Variants in SLC36A1 observed in about 807,000 individuals in gnomAD.
The protein encoded by SLC36A1 is solute carrier family 36 member 1.
Under a neutral mutation model 47.5 loss-of-function variants are expected in SLC36A1, and 30 were observed. The ratio of observed to expected loss-of-function variants is 0.63; its 90% CI spans 0.47 to 0.86. SLC36A1 has a LOEUF of 0.86. SLC36A1 is among the 40% of genes least tolerant of loss of function. The probability of loss-of-function intolerance (pLI) is 0.00; values close to 1 mark genes in which losing one functional copy is unlikely to be tolerated. For synonymous variants in SLC36A1, 255 were observed against 249.7 expected, an observed-to-expected ratio of 1.02 and a Z score of -0.20; for missense variants, 517 against 606.0, an observed-to-expected ratio of 0.85 and a Z score of 1.54.
At chr5:151,522,066 A>G in the SLC36A1 span, 1 of 1,596,230 alleles carries the variant, frequency 6.3e-7, no homozygotes, top group South Asian at 1.1e-5. Flanking sequence ...ACGAGAGGGG[A>G]GGGATGCCAC....
chr5:151,478,421 G>A (rs757565613), intron 9 of SLC36A1, among the ~76,000 whole-genome samples: 9 of 152,164 alleles, frequency 5.9e-5, no homozygotes, highest in African/African-American at 1.7e-4. Context: ...GGTGAGTTAC[G>A]TCATTTTTGG....
At chr5:151,517,023 G>A in the SLC36A1 span, among the ~76,000 whole-genome samples, 4 of 151,568 alleles carry the variant, frequency 2.6e-5, no homozygotes, top group Non-Finnish European at 5.9e-5. Context: ...CAGGAGAATC[G>A]CTTGAACCTG....
chr5:151,546,645 C>G, the SLC36A1 span, among the ~76,000 whole-genome samples: 1 of 152,118 alleles, frequency 6.6e-6, no homozygotes, highest in Non-Finnish European at 1.5e-5. Flanking sequence ...ACACACTCCA[C>G]CCTGAATTTC....
chr5:151,394,146 A>T, the SLC36A1 span, among the ~76,000 whole-genome samples: 1 of 151,902 alleles, frequency 6.6e-6, no homozygotes. Context: ...GCTTCATTTC[A>T]TTCATTTGAT....
chr5:151,505,724 C>G, the SLC36A1 span: 1 of 1,613,932 alleles, frequency 6.2e-7, no homozygotes, highest in East Asian at 2.2e-5. Flanking sequence ...GCATACCCAC[C>G]CCCTTGTAGC....
At chr5:151,465,354 C>T (rs1392018892) in intron 5 of SLC36A1, among the ~76,000 whole-genome samples, 185 bp downstream of exon 5, 1 of 152,046 alleles carries the variant, frequency 6.6e-6, no homozygotes, top group Non-Finnish European at 1.5e-5. Context: ...CCCTTTTTTC[C>T]TTGGGTTTTA....
chr5:151,496,016 G>A (rs920839981), downstream of SLC36A1, among the ~76,000 whole-genome samples: 1 of 152,084 alleles, frequency 6.6e-6, no homozygotes, highest in Non-Finnish European at 1.5e-5. Flanking sequence ...AATTTCTCTG[G>A]GATATATGCC....
chr5:151,396,196 TC>T, the SLC36A1 span, among the ~76,000 whole-genome samples: 1 of 152,004 alleles, frequency 6.6e-6, no homozygotes, highest in African/African-American at 2.4e-5. Flanking sequence ...CACAGCAACC[TC>T]CACCTCCCGG....
At chr5:151,350,392 T>G in the SLC36A1 span, among the ~76,000 whole-genome samples, 1 of 152,312 alleles carries the variant, frequency 6.6e-6, no homozygotes, top group East Asian at 1.9e-4. Context: ...GAGCTTTGAT[T>G]GGATTCCAGG....
intron 1 of SLC36A1, among the ~76,000 whole-genome samples, chr5:151,452,883 GAAGACAAA>G (rs1166046688): frequency 7.2e-6 from 1 of 139,774 alleles, no homozygotes; most frequent in Non-Finnish European, 1.5e-5. Context: ...AAAAAAAAAA[GAAGACAAA>G]AAGACAAAAA....
At chr5:151,439,545 T>G (rs1752499673) in intron 1 of SLC36A1, among the ~76,000 whole-genome samples, 1 of 151,118 alleles carries the variant, frequency 6.6e-6, no homozygotes, top group Admixed American at 6.6e-5. Flanking sequence ...TCCAGCTACT[T>G]GGGAGGCTGA....
chr5:151,450,847 C>A (rs922424049), intron 1 of SLC36A1: 3 of 152,182 alleles, frequency 2.0e-5, no homozygotes, highest in Non-Finnish European at 4.4e-5. Flanking sequence ...GACTGATTAG[C>A]ATTACTCACA....
the SLC36A1 span, among the ~76,000 whole-genome samples, chr5:151,503,186 G>A: frequency 6.8e-6 from 1 of 147,842 alleles, no homozygotes; most frequent in Non-Finnish European, 1.5e-5. Context: ...CCCATAGAAT[G>A]TGCAACACCA....
the SLC36A1 span, among the ~76,000 whole-genome samples, chr5:151,402,288 G>A: frequency 0.78 from 119,363 of 152,236 alleles, 47,759 homozygotes; most frequent in African/African-American, 0.94. Context: ...TATTTGGTGA[G>A]TAACATTTAT....
At chr5:151,550,372 G>A in the SLC36A1 span, among the ~76,000 whole-genome samples, 5 of 152,152 alleles carry the variant, frequency 3.3e-5, no homozygotes. Context: ...AGAGAAAGCT[G>A]AGGTTGACAG....
the SLC36A1 span, among the ~76,000 whole-genome samples, chr5:151,410,459 T>C: frequency 1.4e-5 from 2 of 144,956 alleles, no homozygotes; most frequent in Admixed American, 1.4e-4. Context: ...GTTTATGATA[T>C]CAATAACATA....
At chr5:151,384,530 A>G in the SLC36A1 span, among the ~76,000 whole-genome samples, 3 of 152,374 alleles carry the variant, frequency 2.0e-5, no homozygotes, top group East Asian at 5.8e-4. Flanking sequence ...ATAGCTCAAA[A>G]GCATCATCCT....
chr5:151,355,431 A>G, the SLC36A1 span, among the ~76,000 whole-genome samples: 1 of 152,212 alleles, frequency 6.6e-6, no homozygotes, highest in Admixed American at 6.5e-5. Context: ...GAATTTGGTA[A>G]TATCTATAAA....
the SLC36A1 span, among the ~76,000 whole-genome samples, chr5:151,421,174 C>CCTTCCT: frequency 3.9e-3 from 547 of 138,878 alleles, 10 homozygotes; most frequent in African/African-American, 0.012. Context: ...CGCCCTTTCT[C>CCTTCCT]TCCTTCCTTC....
Sources: gnomAD v4.1 joint callset for allele counts (sites outside exome capture counted in the v4.1 genomes callset) on GRCh38, gnomAD v4.1.1 for gene constraint, MANE v1.5 for transcripts, NCBI Gene and HGNC (gene_info 2026-07-23, HGNC 2026-07-21) for gene names.